The following DERL1 variants were observed in gnomAD, a reference collection of about 807,000 sequenced individuals.
DERL1 encodes the protein derlin-1.
Under a neutral mutation model 41.6 loss-of-function variants are expected in DERL1, and 24 were observed. That is an observed-to-expected ratio of 0.58 (90% CI 0.42 to 0.81). The LOEUF (loss-of-function observed/expected upper bound fraction) is 0.81, where lower values mean the gene tolerates loss of function less well. DERL1 is among the 30% of genes least tolerant of loss of function. The pLI is 0.00. For missense variants in DERL1, 260 were observed against 314.3 expected (o/e 0.83, Z 1.31); for synonymous variants, 124 against 112.5 (o/e 1.10, Z -0.65).
At chr8:123,030,828 T>C in intron 1 of DERL1, 112 bp from the exon 2 acceptor site, 1 of 719,054 alleles carries the variant, frequency 1.4e-6, no homozygotes, top group Non-Finnish European at 2.4e-6. Flanking sequence ...GGTGTGAAAG[T>C]GATCCTACCA....
chr8:123,032,956 T>C (rs1201108203), intron 1 of DERL1, among the ~76,000 whole-genome samples: 1 of 139,382 alleles, frequency 7.2e-6, no homozygotes, highest in Non-Finnish European at 1.6e-5. Context: ...CTCAAATTTC[T>C]GGGTTCAAGC....
chr8:123,035,258 T>C (rs1024775213), intron 1 of DERL1, among the ~76,000 whole-genome samples: 3 of 152,266 alleles, frequency 2.0e-5, no homozygotes, highest in Admixed American at 2.0e-4. Context: ...ATACTTGCTT[T>C]CATTGATCTA....
chr8:123,032,708 A>G (rs1363107231), intron 1 of DERL1, among the ~76,000 whole-genome samples: 2 of 152,062 alleles, frequency 1.3e-5, no homozygotes, highest in African/African-American at 2.4e-5. Context: ...TCCCAACCCC[A>G]TTTACAGAGT....
In DERL1 at chr8:123,042,133, C is replaced by T; in HGVS notation, c.-11G>A. The T allele has an allele frequency of 6.2e-7, 1 of 1,600,760 alleles. No individual in the cohort carries two copies. Among genetic ancestry groups the T allele is most frequent in the Non-Finnish European group, 8.5e-7 (1 of 1,171,260 alleles). The stretch of plus-strand genomic sequence containing the variant: ...TCCGATGTCCGACATCTTCGACCCA[C>T]AGGTAGCCAAGATGCACAAGACCGC... On this transcript the variant is annotated 5_prime_UTR_variant, in exon 1 of 8. In the 5' UTR this introduces an upstream ATG that the reference lacks. Coordinates refer to ENST00000259512, the MANE Select transcript of DERL1 (RefSeq NM_024295.6).
At chr8:123,025,256 T>C (rs551877121) in intron 2 of DERL1, among the ~76,000 whole-genome samples, 1 of 152,340 alleles carries the variant, frequency 6.6e-6, no homozygotes, top group South Asian at 2.1e-4. Context: ...GTAAGGTTAA[T>C]CTATGCTCTC....
intron 2 of DERL1, among the ~76,000 whole-genome samples, chr8:123,029,826 G>A (rs905016863): frequency 6.6e-6 from 1 of 152,102 alleles, no homozygotes; most frequent in Non-Finnish European, 1.5e-5. Context: ...TTGGGAGGCT[G>A]AGGCAGACAG....
At chr8:123,022,813 C>T (rs1812596059) in intron 4 of DERL1, 34 bp from the exon 5 acceptor site, 1 of 1,587,952 alleles carries the variant, frequency 6.3e-7, no homozygotes, top group Non-Finnish European at 8.6e-7. Context: ...AAACCAGGCT[C>T]CAGAGGCACT....
At chr8:123,036,728 C>T (rs538186432) in intron 1 of DERL1, among the ~76,000 whole-genome samples, 2 of 152,314 alleles carry the variant, frequency 1.3e-5, no homozygotes, top group African/African-American at 4.8e-5. Flanking sequence ...ACACTTGCCA[C>T]TAGAGTTCTA....
At chr8:123,030,505 C>G in intron 2 of DERL1, 100 bp downstream of exon 2, 1 of 820,016 alleles carries the variant, frequency 1.2e-6, no homozygotes, top group Admixed American at 2.9e-5. Context: ...TATGCAGTTT[C>G]TTTTTGTAAT....
chr8:123,016,590 A>T (rs1814576274), intron 7 of DERL1: 1 of 152,198 alleles, frequency 6.6e-6, no homozygotes, highest in Non-Finnish European at 1.5e-5. Context: ...CTTCACAATA[A>T]CCCCATGAGG....
At chr8:123,035,056 T>C (rs1424659687) in intron 1 of DERL1, among the ~76,000 whole-genome samples, 1 of 152,236 alleles carries the variant, frequency 6.6e-6, no homozygotes, top group Non-Finnish European at 1.5e-5. Flanking sequence ...ATATTTCAAC[T>C]ACCCCCATAT....
Position 123,019,270 on chromosome 8 carries a change from T to C in DERL1, c.542A>G (p.His181Arg). Residue 181 changes from histidine to arginine, a missense_variant, in exon 7 of 8, where the codon CAT becomes CGT. Transcript: ENST00000259512. Reference protein sequence around the residue: ...INELIGNLVGHLYFFLMFRYP... With the variant: ...INELIGNLVGRLYFFLMFRYP... Reference sequence around the variant, plus strand: ...TCTGAACATTAGGAAAAAATAAAGATGTCCAACCAGATTTCCAATAAGCTC... The same window carrying C: ...TCTGAACATTAGGAAAAAATAAAGACGTCCAACCAGATTTCCAATAAGCTC... 9 of 1,614,046 alleles carry C rather than the reference T, an allele frequency of 5.6e-6. No individual in the cohort carries two copies. The highest frequency in any genetic ancestry group is 6.8e-6 in the Non-Finnish European group (8 of 1,179,950).
At chr8:123,031,707 C>T (rs3109760) in intron 1 of DERL1, among the ~76,000 whole-genome samples, 1 of 152,260 alleles carries the variant, frequency 6.6e-6, no homozygotes, top group South Asian at 2.1e-4. Flanking sequence ...TTATCCTACT[C>T]TATACGGCAC....
chr8:123,032,242 C>T (rs1173291978), intron 1 of DERL1, among the ~76,000 whole-genome samples: 2 of 151,510 alleles, frequency 1.3e-5, no homozygotes, highest in African/African-American at 2.4e-5. Context: ...TCAGGTGATT[C>T]TCCCACCTCA....
intron 2 of DERL1, among the ~76,000 whole-genome samples, chr8:123,027,374 T>C (rs1011558805): frequency 2.0e-5 from 3 of 146,922 alleles, no homozygotes; most frequent in Admixed American, 6.9e-5. Context: ...AAAGGGAGAA[T>C]GGCTGCTAAT....
In DERL1 at chr8:123,019,192, T is replaced by TA; in HGVS notation, c.617+2dup. 1.9e-6 allele frequency: 3 copies of TA among 1,592,690 alleles called. No homozygotes were observed. The highest frequency in any genetic ancestry group is 2.6e-6 in the Non-Finnish European group (3 of 1,160,756). On this transcript the variant is annotated splice_region_variant and intron_variant, in intron 7 of 7. Transcript: ENST00000259512. ...TTAGATGAGACAGGACAAAAACACT[T>TA]ACAAAAACTGAGGTGTGGATAGAAA...
At chr8:123,032,134 CA>C (rs1812828976) in intron 1 of DERL1, among the ~76,000 whole-genome samples, 1 of 142,198 alleles carries the variant, frequency 7.0e-6, no homozygotes, top group South Asian at 2.2e-4. Flanking sequence ...TCTGGATTTA[CA>C]TTTTTTTTTT....
chr8:123,033,174 C>A (rs1323128719), intron 1 of DERL1, among the ~76,000 whole-genome samples: 3 of 152,092 alleles, frequency 2.0e-5, no homozygotes, highest in Non-Finnish European at 4.4e-5. Context: ...AGTTTCTATT[C>A]CTTTTATAAC....
intron 1 of DERL1, 174 bp from the exon 2 acceptor site, chr8:123,030,890 C>A (rs756650840): frequency 5.1e-6 from 3 of 590,328 alleles, no homozygotes. Context: ...AATACAATCA[C>A]ATCACTTTGC....
Sources: gnomAD v4.1 joint callset for allele counts (sites outside exome capture counted in the v4.1 genomes callset) on GRCh38, gnomAD v4.1.1 for gene constraint, MANE v1.5 for transcripts, NCBI Gene and HGNC (gene_info 2026-07-23, HGNC 2026-07-21) for gene names.